LDB2: variants seen among roughly 807,000 people sequenced by gnomAD.
LDB2 encodes the protein LIM domain-binding protein 2.
A neutral mutation model predicts 44.3 loss-of-function variants in LDB2; 12 were observed. The observed-to-expected ratio is 0.27, with a 90% CI of 0.17 to 0.44. LDB2 has a LOEUF of 0.44. LDB2 is among the 20% of genes least tolerant of loss of function. LDB2 has a pLI of 1.00. For missense variants in LDB2, 344 were observed against 473.5 expected (o/e 0.73, Z 2.54); for synonymous variants, 164 against 174.8 (o/e 0.94, Z 0.49).
At chr4:16,661,005 T>C (rs570632821) in intron 2 of LDB2, among the ~76,000 whole-genome samples, 26 of 152,326 alleles carry the variant, frequency 1.7e-4, no homozygotes, top group Middle Eastern at 6.8e-3. Flanking sequence ...TTTAATTCCC[T>C]GAGGATTTGT....
intron 1 of LDB2, among the ~76,000 whole-genome samples, chr4:16,759,728 C>T (rs1767484331): frequency 6.6e-6 from 1 of 152,062 alleles, no homozygotes; most frequent in African/African-American, 2.4e-5. Context: ...CTACTATACA[C>T]AAATATCCCT....
At chr4:16,892,192 C>T (rs1723610425) in intron 1 of LDB2, among the ~76,000 whole-genome samples, 1 of 152,150 alleles carries the variant, frequency 6.6e-6, no homozygotes, top group African/African-American at 2.4e-5. Context: ...GTGTATTAAC[C>T]TATCATGGCT....
chr4:16,522,936 A>C (rs1726796779), intron 5 of LDB2, among the ~76,000 whole-genome samples: 1 of 152,210 alleles, frequency 6.6e-6, no homozygotes, highest in Non-Finnish European at 1.5e-5. Context: ...GTACAAGCAA[A>C]TTTATGGTAA....
chr4:16,739,747 T>C (rs1377543954), intron 2 of LDB2, among the ~76,000 whole-genome samples: 1 of 131,420 alleles, frequency 7.6e-6, no homozygotes, highest in Non-Finnish European at 1.5e-5. Flanking sequence ...TACATACATA[T>C]ACATATATAT....
rs554235569 is a variant in LDB2, at chr4:16,887,222, A to G, written c.132+11132T>C. Among the ~76,000 whole-genome samples, 258 of 119,426 alleles carry G rather than the reference A, an allele frequency of 2.2e-3. 1 individual carries two copies. Among genetic ancestry groups the G allele is most frequent in the East Asian group, 9.5e-4 (4 of 4,194 alleles). 78.3% of individuals were successfully genotyped at this position (119,426 alleles called of 152,430 possible). On this transcript the variant is annotated intron_variant, in intron 1 of 7. Coordinates refer to ENST00000304523, the MANE Select transcript of LDB2 (RefSeq NM_001290.5). The stretch of plus-strand genomic sequence containing the variant: ...GTGACAGGAGAGTGCTAAGACTTGA[A>G]AAAAAAAAAAAAGAAAAAGAATAAA...
rs201231358 is a variant in LDB2 at position 16,821,393 on chromosome 4, T to TA, written c.133-62134_133-62133insT. On this transcript the variant is annotated intron_variant, in intron 1 of 7. Coordinates refer to ENST00000304523, the MANE Select transcript of LDB2 (RefSeq NM_001290.5). ...ATATTTGAATTTTTTTTTTATTTTTTTTTTTTTGGAGACGGAGTCTCGCTC... is the reference window on the plus strand; with the variant it reads ...ATATTTGAATTTTTTTTTTATTTTTTATTTTTTTGGAGACGGAGTCTCGCTC... 4.8e-3 allele frequency among the ~76,000 whole-genome samples: 726 copies of TA among 150,548 alleles called. 9 individuals carry two copies. Among genetic ancestry groups the TA allele is most frequent in the African/African-American group, 0.015 (625 of 41,006 alleles).
At chr4:16,698,924 T>C (rs157608) in intron 2 of LDB2, among the ~76,000 whole-genome samples, 77,234 of 152,032 alleles carry the variant, frequency 0.51, 19,877 homozygotes, top group East Asian at 0.78. Context: ...TTGAAGAAAA[T>C]AAGGAAAAGT....
At chr4:16,888,272 C>A (rs1426583059) in intron 1 of LDB2, among the ~76,000 whole-genome samples, 1 of 152,204 alleles carries the variant, frequency 6.6e-6, no homozygotes. Context: ...TGAAAGGGAA[C>A]CTTTTAATGT....
At chr4:16,776,010 C>T (rs2109394807) in intron 1 of LDB2, among the ~76,000 whole-genome samples, 1 of 152,280 alleles carries the variant, frequency 6.6e-6, no homozygotes, top group Non-Finnish European at 1.5e-5. Flanking sequence ...TCACAACTTG[C>T]AAGAGAAAAG....
chr4:16,552,522 A>T (rs1258086842), intron 5 of LDB2, among the ~76,000 whole-genome samples: 3 of 152,156 alleles, frequency 2.0e-5, no homozygotes, highest in Admixed American at 1.3e-4. Flanking sequence ...ATAGGACTGA[A>T]CACAGACTCC....
intron 2 of LDB2, among the ~76,000 whole-genome samples, chr4:16,728,052 G>A (rs542934006): frequency 6.6e-6 from 1 of 152,254 alleles, no homozygotes; most frequent in Non-Finnish European, 1.5e-5. Context: ...TACTATGGGG[G>A]AACTGGAGGA....
intron 5 of LDB2, among the ~76,000 whole-genome samples, chr4:16,565,213 G>A (rs1026353916): frequency 5.3e-5 from 8 of 152,138 alleles, no homozygotes; most frequent in African/African-American, 1.9e-4. Flanking sequence ...GTGAATGTGG[G>A]TTTTCTTAAC....
chr4:16,504,140 C>CTAATTCAATAAAATAT (rs1718422478), intron 7 of LDB2, among the ~76,000 whole-genome samples: 1 of 152,102 alleles, frequency 6.6e-6, no homozygotes, highest in Non-Finnish European at 1.5e-5. Flanking sequence ...AGTAGAAAGG[C>CTAATTCAATAAAATAT]TAATTCAATA....
intron 2 of LDB2, among the ~76,000 whole-genome samples, chr4:16,701,709 G>C (rs1302489776): frequency 6.6e-6 from 1 of 152,220 alleles, no homozygotes; most frequent in East Asian, 1.9e-4. Flanking sequence ...TGAGCTAGGT[G>C]CACGGCTTGT....
intron 5 of LDB2, among the ~76,000 whole-genome samples, chr4:16,512,361 T>C (rs887321657): frequency 1.3e-5 from 2 of 152,092 alleles, no homozygotes; most frequent in Non-Finnish European, 2.9e-5. Context: ...CACACACATA[T>C]ACGTGTACAC....
intron 1 of LDB2, among the ~76,000 whole-genome samples, chr4:16,818,627 C>A (rs2109940495): frequency 6.6e-6 from 1 of 152,256 alleles, no homozygotes; most frequent in Admixed American, 6.5e-5. Flanking sequence ...CCTACCAGGG[C>A]TATGGTGAGG....
At chr4:16,816,768 T>C (rs1274954727) in intron 1 of LDB2, among the ~76,000 whole-genome samples, 1 of 152,186 alleles carries the variant, frequency 6.6e-6, no homozygotes, top group Non-Finnish European at 1.5e-5. Context: ...TTTTTTGTCC[T>C]TCACAACAAG....
intron 2 of LDB2, among the ~76,000 whole-genome samples, chr4:16,650,254 C>A (rs1737891574): frequency 6.6e-6 from 1 of 152,166 alleles, no homozygotes; most frequent in South Asian, 2.1e-4. Flanking sequence ...TCTGATGGGA[C>A]TGTGTGAAGG....
intron 2 of LDB2, among the ~76,000 whole-genome samples, chr4:16,732,949 G>A (rs986063351): frequency 1.3e-5 from 2 of 152,154 alleles, no homozygotes; most frequent in Admixed American, 6.6e-5. Context: ...CGGGGGAAAG[G>A]CATAGGGATG....
Sources: gnomAD v4.1 joint callset for allele counts (sites outside exome capture counted in the v4.1 genomes callset) on GRCh38, gnomAD v4.1.1 for gene constraint, MANE v1.5 for transcripts, NCBI Gene and HGNC (gene_info 2026-07-23, HGNC 2026-07-21) for gene names.